Variants in SLIT3 observed in about 807,000 individuals in gnomAD.
SLIT3 encodes slit guidance ligand 3.
Under a neutral mutation model 184.0 loss-of-function variants are expected in SLIT3, and 68 were observed. That is an observed-to-expected ratio of 0.37 (90% CI 0.30 to 0.45). SLIT3 has a LOEUF of 0.45. SLIT3 is among the 20% of genes least tolerant of loss of function. SLIT3 has a pLI of 1.00. For missense variants in SLIT3, 1,707 were observed against 2,026.0 expected (o/e 0.84, Z 3.02); for synonymous variants, 831 against 828.6 (o/e 1.00, Z -0.05).
At chr5:168,958,346 T>C (rs1012086708) in intron 4 of SLIT3, among the ~76,000 whole-genome samples, 2 of 152,154 alleles carry the variant, frequency 1.3e-5, no homozygotes, top group African/African-American at 4.8e-5. Context: ...CTGCATGGCA[T>C]TTTGTATTTT....
intron 4 of SLIT3, among the ~76,000 whole-genome samples, chr5:169,046,745 C>T (rs1757636210): frequency 6.6e-6 from 1 of 152,134 alleles, no homozygotes; most frequent in African/African-American, 2.4e-5. Flanking sequence ...TGAGCATGTT[C>T]TTGAGAGTAT....
intron 3 of SLIT3, among the ~76,000 whole-genome samples, chr5:169,206,488 A>G (rs1764071525): frequency 6.6e-6 from 1 of 152,228 alleles, no homozygotes; most frequent in Non-Finnish European, 1.5e-5. Context: ...AGTAGATATC[A>G]GGGAGGGCAG....
intron 3 of SLIT3, among the ~76,000 whole-genome samples, chr5:169,242,722 A>C (rs1426259087): frequency 6.6e-6 from 1 of 152,174 alleles, no homozygotes; most frequent in African/African-American, 2.4e-5. Context: ...TTGAGGGTTT[A>C]TCTAGCACAG....
intron 5 of SLIT3, among the ~76,000 whole-genome samples, chr5:168,882,951 T>A (rs936037209): frequency 6.6e-6 from 1 of 152,132 alleles, no homozygotes; most frequent in Non-Finnish European, 1.5e-5. Flanking sequence ...AAGGTTACCA[T>A]CCCCATTTTA....
intron 24 of SLIT3, 56 bp from the exon 25 acceptor site, chr5:168,711,114 A>C: frequency 7.0e-7 from 1 of 1,430,440 alleles, no homozygotes; most frequent in Non-Finnish European, 9.3e-7. Flanking sequence ...AGTAGCCTTC[A>C]TATCCTTGGC....
intron 4 of SLIT3, among the ~76,000 whole-genome samples, chr5:168,975,449 A>C: frequency 6.6e-6 from 1 of 151,774 alleles, no homozygotes; most frequent in African/African-American, 2.4e-5. Flanking sequence ...TTGTGAACAT[A>C]CAGACACCCC....
At chr5:168,831,876 G>C (rs889567367) in intron 6 of SLIT3, among the ~76,000 whole-genome samples, 1 of 152,000 alleles carries the variant, frequency 6.6e-6, no homozygotes. Flanking sequence ...CCATCCACTC[G>C]GCAGAGCCTC....
intron 4 of SLIT3, among the ~76,000 whole-genome samples, chr5:169,157,194 G>A (rs1303167118): frequency 4.6e-5 from 7 of 152,212 alleles, no homozygotes; most frequent in African/African-American, 1.7e-4. Flanking sequence ...AGCAGAGACT[G>A]TAAGGAGTGG....
chr5:168,834,623 G>T (rs571459989), intron 6 of SLIT3, among the ~76,000 whole-genome samples: 2 of 143,426 alleles, frequency 1.4e-5, no homozygotes, highest in African/African-American at 5.1e-5. Context: ...GGAGGTGGAG[G>T]TTGCAGTGAG....
intron 4 of SLIT3, among the ~76,000 whole-genome samples, chr5:168,975,949 G>A (rs1754742344): frequency 6.6e-6 from 1 of 152,186 alleles, no homozygotes; most frequent in African/African-American, 2.4e-5. Context: ...CTCTATCCCT[G>A]TAAAAGCCAA....
At chr5:168,735,744 A>T (rs1458396119) in intron 20 of SLIT3, among the ~76,000 whole-genome samples, 2 of 151,602 alleles carry the variant, frequency 1.3e-5, no homozygotes. Context: ...TTGAAAGATA[A>T]TGTTCCTCTT....
intron 6 of SLIT3, among the ~76,000 whole-genome samples, chr5:168,834,237 G>A (rs78468710): frequency 0.038 from 5,843 of 152,230 alleles, 394 homozygotes; most frequent in African/African-American, 0.13. Flanking sequence ...TTGACTTTGT[G>A]GAAGTCATTT....
At chr5:169,252,855 T>A (rs1765822872) in intron 1 of SLIT3, among the ~76,000 whole-genome samples, 1 of 152,112 alleles carries the variant, frequency 6.6e-6, no homozygotes. Flanking sequence ...CAGCACTTTA[T>A]ATATATATAA....
At chr5:169,186,709 G>A (rs10462982) in intron 4 of SLIT3, among the ~76,000 whole-genome samples, 107,814 of 152,028 alleles carry the variant, frequency 0.71, 38,583 homozygotes, top group East Asian at 0.79. Flanking sequence ...GCATGTATAC[G>A]CGACACCTGT....
intron 4 of SLIT3, among the ~76,000 whole-genome samples, chr5:168,942,783 C>T (rs1247842463): frequency 1.3e-5 from 2 of 149,934 alleles, no homozygotes; most frequent in Non-Finnish European, 3.0e-5. Context: ...GTGACCAGAG[C>T]CTAGGATCAG....
At chr5:169,283,853 T>A (rs534301472) in intron 1 of SLIT3, among the ~76,000 whole-genome samples, 15 of 152,152 alleles carry the variant, frequency 9.9e-5, no homozygotes, top group South Asian at 4.1e-4. Flanking sequence ...ACAAGGTAAA[T>A]GTCTTTTATC....
intron 4 of SLIT3, among the ~76,000 whole-genome samples, chr5:168,927,116 T>G (rs35403371): frequency 0.54 from 82,274 of 152,020 alleles, 24,043 homozygotes; most frequent in African/African-American, 0.78. Flanking sequence ...TGGAAGCAAT[T>G]CAAGTGTCCA....
intron 5 of SLIT3, among the ~76,000 whole-genome samples, chr5:168,875,684 G>T (rs1178078476): frequency 1.3e-5 from 2 of 149,796 alleles, no homozygotes; most frequent in East Asian, 2.0e-4. Flanking sequence ...AGAAGAAAAA[G>T]AAAAAGAAAT....
chr5:168,981,718 A>T (rs892229241), intron 4 of SLIT3, among the ~76,000 whole-genome samples: 3 of 152,238 alleles, frequency 2.0e-5, no homozygotes, highest in African/African-American at 7.2e-5. Context: ...TGAATTCTAA[A>T]ATACAGCATC....
Sources: allele counts gnomAD v4.1 joint callset (sites outside exome capture counted in the v4.1 genomes callset), GRCh38; gene constraint gnomAD v4.1.1; transcripts MANE v1.5; gene names NCBI Gene and HGNC (gene_info 2026-07-23, HGNC 2026-07-21).